Variants in TBC1D5 observed in about 807,000 individuals in gnomAD.
The protein encoded by TBC1D5 is TBC1 domain family member 5.
TBC1D5 carries 75 observed loss-of-function variants against 100.3 expected under a neutral mutation model. The ratio of observed to expected loss-of-function variants is 0.75; its 90% CI spans 0.62 to 0.91. The LOEUF (loss-of-function observed/expected upper bound fraction) is 0.91. TBC1D5 is among the 40% of genes least tolerant of loss of function. TBC1D5 has a pLI of 0.00. For missense variants in TBC1D5, 910 were observed against 942.4 expected (o/e 0.97, Z 0.45); for synonymous variants, 323 against 325.6 (o/e 0.99, Z 0.09).
chr3:17,708,634 T>C (rs1466376268), intron 1 of TBC1D5, among the ~76,000 whole-genome samples: 2 of 152,226 alleles, frequency 1.3e-5, no homozygotes, highest in African/African-American at 4.8e-5. Context: ...TCTCCAAGCA[T>C]TGCCAAATGT....
exon 14 of TBC1D5, chr3:17,308,075 C>G: frequency 6.2e-7 from 1 of 1,610,450 alleles, no homozygotes; most frequent in East Asian, 2.2e-5. Flanking sequence ...CAAGGCATCC[C>G]AGACCACCAG....
intron 9 of TBC1D5, among the ~76,000 whole-genome samples, chr3:17,379,783 G>T (rs2092859502): frequency 6.6e-6 from 1 of 151,854 alleles, no homozygotes; most frequent in Non-Finnish European, 1.5e-5. Context: ...TTAAATTAAA[G>T]ATTATAAATT....
At position 17,365,065 on chromosome 3, in the gene TBC1D5, C is replaced by G. The variant is rs530099613; in HGVS notation, c.995+7010G>C. Among the ~76,000 whole-genome samples, 35 of 152,228 alleles carry G rather than the reference C, an allele frequency of 2.3e-4. No homozygotes were observed. In the South Asian group the frequency reaches 4.8e-3, roughly 21 times the overall value. ...CTTCCTTCCCTCTTTAAATTATTCA[C>G]TAGAATTAAGTAGACTTAAGATACA... On this transcript the variant is annotated intron_variant, in intron 13 of 21. Transcript: ENST00000253692.
At chr3:17,490,224 T>C (rs187877727) in intron 3 of TBC1D5, among the ~76,000 whole-genome samples, 166 of 152,330 alleles carry the variant, frequency 1.1e-3, no homozygotes, top group African/African-American at 3.7e-3. Context: ...TATAAGTTCC[T>C]TATAGACTCT....
intron 2 of TBC1D5, among the ~76,000 whole-genome samples, chr3:17,577,090 CTAT>C (rs2096662007): frequency 6.6e-6 from 1 of 151,774 alleles, no homozygotes; most frequent in Admixed American, 6.6e-5. Flanking sequence ...GAGTAAAAGG[CTAT>C]TATATGTACA....
chr3:17,380,228 T>C (rs117631229), intron 9 of TBC1D5, among the ~76,000 whole-genome samples: 2,504 of 152,120 alleles, frequency 0.016, 53 homozygotes, highest in South Asian at 0.047. Context: ...AAGAATAGCA[T>C]TAAATCATAT....
chr3:17,595,371 C>A (rs773881143), intron 2 of TBC1D5, among the ~76,000 whole-genome samples: 2 of 152,184 alleles, frequency 1.3e-5, no homozygotes, highest in African/African-American at 2.4e-5. Flanking sequence ...AAAGGAAAAT[C>A]TCTTCACACA....
chr3:17,634,046 T>C (rs1311597870), intron 1 of TBC1D5, among the ~76,000 whole-genome samples: 2 of 152,140 alleles, frequency 1.3e-5, no homozygotes, highest in African/African-American at 2.4e-5. Flanking sequence ...AAATGGCTTA[T>C]AGTTATAGCC....
At chr3:17,532,955 G>C (rs1008442800) in intron 2 of TBC1D5, among the ~76,000 whole-genome samples, 8 of 151,492 alleles carry the variant, frequency 5.3e-5, no homozygotes, top group African/African-American at 1.9e-4. Context: ...CCTGCACGTT[G>C]TGCACATGTA....
chr3:17,374,925 C>T (rs535459256), intron 10 of TBC1D5, among the ~76,000 whole-genome samples: 3 of 152,204 alleles, frequency 2.0e-5, no homozygotes, highest in East Asian at 3.9e-4. Flanking sequence ...CAAATAAATA[C>T]AGAATTTGAC....
At chr3:17,559,970 A>G (rs1033804722) in intron 2 of TBC1D5, among the ~76,000 whole-genome samples, 7 of 152,182 alleles carry the variant, frequency 4.6e-5, no homozygotes, top group Non-Finnish European at 8.8e-5. Flanking sequence ...ACTTTATATA[A>G]CAAAAACACT....
intron 3 of TBC1D5, among the ~76,000 whole-genome samples, chr3:17,495,831 T>C (rs1174157363): frequency 6.6e-6 from 1 of 152,260 alleles, no homozygotes; most frequent in African/African-American, 2.4e-5. Flanking sequence ...ATAAGGGTGA[T>C]AAGTTAGGAA....
chr3:17,674,783 G>A (rs2068410463), intron 1 of TBC1D5, among the ~76,000 whole-genome samples: 2 of 152,036 alleles, frequency 1.3e-5, no homozygotes, highest in Non-Finnish European at 2.9e-5. Context: ...ATGGAAGTTG[G>A]GGAGATGAAG....
At chr3:17,205,715 A>ATGGGAAGGAAAGCCTGC (rs2072075523) in intron 18 of TBC1D5, among the ~76,000 whole-genome samples, 1 of 152,112 alleles carries the variant, frequency 6.6e-6, no homozygotes, top group Non-Finnish European at 1.5e-5. Flanking sequence ...GGTCAGTGAT[A>ATGGGAAGGAAAGCCTGC]TGGGAAGGAA....
chr3:17,430,437 T>C (rs1469100472), intron 3 of TBC1D5, among the ~76,000 whole-genome samples: 1 of 151,824 alleles, frequency 6.6e-6, no homozygotes, highest in Non-Finnish European at 1.5e-5. Flanking sequence ...TTATAAAGGT[T>C]TTATTTAATT....
At chr3:17,566,806 A>G (rs1165491115) in intron 2 of TBC1D5, among the ~76,000 whole-genome samples, 1 of 151,976 alleles carries the variant, frequency 6.6e-6, no homozygotes, top group African/African-American at 2.4e-5. Flanking sequence ...CAAACTTAGA[A>G]GGCCTTTCTA....
chr3:17,479,734 A>G lies in TBC1D5; in HGVS notation c.97+28740T>C, dbSNP rs552112912. Among the ~76,000 whole-genome samples the G allele has an allele frequency of 9.8e-5, 15 of 152,318 alleles. No homozygotes were observed. The East Asian group carries it at 1.9e-3, about 20-fold the overall frequency. On this transcript the variant is annotated intron_variant, in intron 3 of 21. Coordinates refer to ENST00000253692, the Ensembl canonical transcript of TBC1D5. ...GTACCTGTAGTCCTAGCTACTCAGG[A>G]GACGGAGGCAGGAAGATCACACTGA...
At chr3:17,239,048 C>T (rs996399759) in intron 16 of TBC1D5, among the ~76,000 whole-genome samples, 1 of 152,152 alleles carries the variant, frequency 6.6e-6, no homozygotes, top group Non-Finnish European at 1.5e-5. Context: ...CACTTTTCAT[C>T]ATCTGACATA....
intron 3 of TBC1D5, among the ~76,000 whole-genome samples, chr3:17,504,828 C>T (rs2095827296): frequency 6.6e-6 from 1 of 152,188 alleles, no homozygotes; most frequent in Non-Finnish European, 1.5e-5. Context: ...TTTAAATCCA[C>T]CTCTACTATA....
Sources: gnomAD v4.1 joint callset for allele counts (sites outside exome capture counted in the v4.1 genomes callset) on GRCh38, gnomAD v4.1.1 for gene constraint, MANE v1.5 for transcripts, NCBI Gene and HGNC (gene_info 2026-07-23, HGNC 2026-07-21) for gene names.